Variants in NXPE2 observed in about 807,000 individuals in gnomAD.
The protein encoded by NXPE2 is NXPE family member 2.
A neutral mutation model predicts 34.4 loss-of-function variants in NXPE2; 34 were observed. The observed-to-expected ratio is 0.99, with a 90% confidence interval of 0.75 to 1.31. The LOEUF (loss-of-function observed/expected upper bound fraction) is 1.31. NXPE2 is among the 40% of genes most tolerant of loss of function. The probability of loss-of-function intolerance (pLI) is 0.00; values close to 1 mark genes in which losing one functional copy is unlikely to be tolerated. For missense variants in NXPE2, 649 were observed against 672.5 expected (o/e 0.97, Z 0.39); for synonymous variants, 235 against 231.3 (o/e 1.02, Z -0.15).
chr11:114,714,529 A>G, the NXPE2 span, among the ~76,000 whole-genome samples: 2 of 152,206 alleles, frequency 1.3e-5, no homozygotes, highest in South Asian at 4.1e-4. Flanking sequence ...GTGCAAAATA[A>G]TTGAGGGATG....
chr11:114,666,048 T>G, the NXPE2 span, among the ~76,000 whole-genome samples: 1 of 152,104 alleles, frequency 6.6e-6, no homozygotes. Flanking sequence ...CTTATGAGAA[T>G]CCTTCCAGTA....
At chr11:114,636,242 T>G in the NXPE2 span, among the ~76,000 whole-genome samples, 1 of 152,198 alleles carries the variant, frequency 6.6e-6, no homozygotes, top group East Asian at 1.9e-4. Flanking sequence ...TTCTCTAGTT[T>G]ATTTGCGTAG....
the NXPE2 span, among the ~76,000 whole-genome samples, chr11:114,505,427 G>C: frequency 6.6e-6 from 1 of 152,048 alleles, no homozygotes; most frequent in African/African-American, 2.4e-5. Context: ...ATGATCATCA[G>C]ATTCTCCAAG....
the NXPE2 span, among the ~76,000 whole-genome samples, chr11:114,469,356 G>A: frequency 1.3e-5 from 2 of 151,452 alleles, no homozygotes; most frequent in South Asian, 2.1e-4. Flanking sequence ...CTTGCGATCC[G>A]CCTGCCTCAG....
chr11:114,605,624 G>C, the NXPE2 span, among the ~76,000 whole-genome samples: 46 of 150,042 alleles, frequency 3.1e-4, 1 homozygote, highest in African/African-American at 1.0e-3. Context: ...GATAATAAGT[G>C]TTGCCTCGTG....
At chr11:114,485,419 G>A in the NXPE2 span, among the ~76,000 whole-genome samples, 10 of 139,078 alleles carry the variant, frequency 7.2e-5, no homozygotes, top group Admixed American at 2.2e-4. Flanking sequence ...AAGTAGAGAC[G>A]GGGTTTCACC....
At chr11:114,645,211 G>C in the NXPE2 span, among the ~76,000 whole-genome samples, 1 of 152,012 alleles carries the variant, frequency 6.6e-6, no homozygotes, top group African/African-American at 2.4e-5. Flanking sequence ...TGAGGCAGGA[G>C]AATCACTTGA....
chr11:114,722,518 G>A, the NXPE2 span, among the ~76,000 whole-genome samples: 1 of 152,002 alleles, frequency 6.6e-6, no homozygotes, highest in Non-Finnish European at 1.5e-5. Flanking sequence ...ATATAGTTTA[G>A]GGAGCTCTGT....
the NXPE2 span, among the ~76,000 whole-genome samples, chr11:114,473,201 A>G: frequency 1.3e-5 from 2 of 152,216 alleles, no homozygotes; most frequent in Non-Finnish European, 2.9e-5. Flanking sequence ...AGATTAGATC[A>G]AGCTTATCCA....
the NXPE2 span, among the ~76,000 whole-genome samples, chr11:114,726,925 C>A: frequency 6.6e-6 from 1 of 152,046 alleles, no homozygotes; most frequent in Non-Finnish European, 1.5e-5. Context: ...CATATTTCTA[C>A]CAATATTCTG....
At chr11:114,710,717 T>C (rs1488791944), downstream of NXPE2, among the ~76,000 whole-genome samples, 1 of 151,900 alleles carries the variant, frequency 6.6e-6, no homozygotes, top group Non-Finnish European at 1.5e-5. Flanking sequence ...TCCCAAAGAA[T>C]AAGAGGAAGG....
At chr11:114,675,100 C>G (rs1950842770), upstream of NXPE2, among the ~76,000 whole-genome samples, 1 of 151,574 alleles carries the variant, frequency 6.6e-6, no homozygotes, top group Non-Finnish European at 1.5e-5. Context: ...TATTCAATGT[C>G]TTTTCATGAG....
chr11:114,764,228 T>G, the NXPE2 span, among the ~76,000 whole-genome samples: 3 of 152,190 alleles, frequency 2.0e-5, no homozygotes, highest in African/African-American at 7.2e-5. Context: ...GATAGCTAGA[T>G]GTAAATTTAA....
At chr11:114,747,784 C>T in the NXPE2 span, among the ~76,000 whole-genome samples, 1 of 152,158 alleles carries the variant, frequency 6.6e-6, no homozygotes, top group Admixed American at 6.5e-5. Flanking sequence ...GAGGACACAG[C>T]GCCAAACCAT....
At chr11:114,612,599 C>A in the NXPE2 span, among the ~76,000 whole-genome samples, 4 of 151,130 alleles carry the variant, frequency 2.6e-5, no homozygotes, top group African/African-American at 4.9e-5. Flanking sequence ...TATTGCCTCA[C>A]GGGTAACCAG....
At chr11:114,655,299 C>A in the NXPE2 span, among the ~76,000 whole-genome samples, 124 of 152,226 alleles carry the variant, frequency 8.1e-4, no homozygotes, top group African/African-American at 2.8e-3. Context: ...ATGATAGTTT[C>A]TTTTGCTGTG....
chr11:114,573,226 T>G, the NXPE2 span, among the ~76,000 whole-genome samples: 2 of 152,106 alleles, frequency 1.3e-5, no homozygotes, highest in Non-Finnish European at 2.9e-5. Context: ...TGAAGCAAGT[T>G]ATCAAAGCAC....
At chr11:114,469,074 T>G in the NXPE2 span, among the ~76,000 whole-genome samples, 1 of 150,794 alleles carries the variant, frequency 6.6e-6, no homozygotes, top group South Asian at 2.1e-4. Flanking sequence ...ACAAAATCTG[T>G]TACAATGTAA....
At chr11:114,623,606 T>C in the NXPE2 span, among the ~76,000 whole-genome samples, 1 of 151,822 alleles carries the variant, frequency 6.6e-6, no homozygotes, top group Non-Finnish European at 1.5e-5. Context: ...TGTTGCCTCA[T>C]GGGTTACCCG....
Sources: allele counts gnomAD v4.1 joint callset (sites outside exome capture counted in the v4.1 genomes callset), GRCh38; gene constraint gnomAD v4.1.1; transcripts MANE v1.5; gene names NCBI Gene and HGNC (gene_info 2026-07-23, HGNC 2026-07-21).